GGH: variants seen among roughly 807,000 people sequenced by gnomAD.
The protein encoded by GGH is gamma-glutamyl hydrolase.
A neutral mutation model predicts 39.2 loss-of-function variants in GGH; 18 were observed. The ratio of observed to expected loss-of-function variants is 0.46; its 90% confidence interval spans 0.32 to 0.68. The LOEUF is 0.68. Among genes scored for constraint, GGH ranks in the 30% least tolerant of loss-of-function variants. The pLI is 0.04. For synonymous variants in GGH, 147 were observed against 138.8 expected, an observed-to-expected ratio of 1.06 and a Z score of -0.42; for missense variants, 367 against 384.1, an observed-to-expected ratio of 0.96 and a Z score of 0.37.
intron 3 of GGH, 26 bp downstream of exon 3, chr8:63,030,141 G>C (rs368295274): frequency 1.9e-6 from 2 of 1,066,418 alleles, no homozygotes; most frequent in East Asian, 4.7e-5. Flanking sequence ...CTCATATACC[G>C]TATGAAACCA....
At position 63,023,891 on chromosome 8, in the gene GGH, T is replaced by C; in HGVS notation, c.697+16A>G. On this transcript the variant is annotated intron_variant, in intron 7 of 8. Coordinates refer to ENST00000260118, the MANE Select transcript of GGH (RefSeq NM_003878.3). ...TAAAATAAGTGAAATAAAGTATACA[T>C]GTTATAGTGATATACCTTCCATTGT... The C allele has an allele frequency of 1.3e-6, 2 of 1,484,332 alleles. No individual in the cohort carries two copies. The highest frequency in any genetic ancestry group is 9.1e-7 in the Non-Finnish European group (1 of 1,093,062). 91.9% of individuals were successfully genotyped at this position (1,484,332 alleles called of 1,614,324 possible).
At chr8:63,030,340 C>T (rs1277236879) in intron 2 of GGH, 123 bp from the exon 3 acceptor site, 1 of 574,282 alleles carries the variant, frequency 1.7e-6, no homozygotes, top group Admixed American at 3.0e-5. Context: ...GACAATATTA[C>T]CTCTCTACTT....
chr8:63,032,051 T>C (rs1018321247), intron 2 of GGH, among the ~76,000 whole-genome samples: 2 of 152,276 alleles, frequency 1.3e-5, no homozygotes, highest in Middle Eastern at 3.4e-3. Flanking sequence ...TGGGGTTTTT[T>C]TGAGAAAGGT....
At chr8:63,024,877 C>A (rs905550181) in intron 5 of GGH, 2 of 152,228 alleles carry the variant, frequency 1.3e-5, no homozygotes, top group Admixed American at 6.5e-5. Flanking sequence ...TCTGGCAACA[C>A]ACAACCAAAG....
intron 4 of GGH, among the ~76,000 whole-genome samples, chr8:63,026,697 G>A (rs1451489918): frequency 1.3e-5 from 2 of 152,208 alleles, no homozygotes; most frequent in Non-Finnish European, 2.9e-5. Flanking sequence ...AAAGGTTTGA[G>A]CTATGGTACA....
At chr8:63,025,928 T>C (rs955920879) in intron 5 of GGH, among the ~76,000 whole-genome samples, 1 of 152,126 alleles carries the variant, frequency 6.6e-6, no homozygotes, top group African/African-American at 2.4e-5. Flanking sequence ...CTAGAAGCAA[T>C]GAGTTATTAA....
intron 5 of GGH, chr8:63,025,191 T>C (rs905504983): frequency 6.6e-6 from 1 of 152,198 alleles, no homozygotes; most frequent in African/African-American, 2.4e-5. Flanking sequence ...CGGAATGATA[T>C]AAGTATTTTT....
Position 63,038,661 on chromosome 8 carries a change from G to C in GGH, c.108C>G (p.Ile36Met). Residue 36 changes from isoleucine (I) to methionine (M), a missense_variant and splice_region_variant, in exon 1 of 9, where the codon ATC becomes ATG. By Grantham distance (10) the Ile-to-Met change is conservative. Coordinates refer to ENST00000260118, the MANE Select transcript of GGH (RefSeq NM_003878.3). ...TGCGGCCCCGCACAGCCTCCTTACC[G>C]ATGATGGGCTTCTTGGCGGTGTCGC... ...PHGDTAKKPI[I>M]GILMQKCRNK... The C allele has an allele frequency of 6.8e-7, 1 of 1,464,194 alleles. No individual in the cohort carries two copies. The highest frequency in any genetic ancestry group is 1.5e-5 in the African/African-American group (1 of 68,764). The allele number at this position is 1,464,194 out of a possible 1,614,324, so 90.7% of individuals were successfully genotyped here.
chr8:63,034,624 C>A (rs985078065), intron 2 of GGH, among the ~76,000 whole-genome samples: 35 of 152,128 alleles, frequency 2.3e-4, no homozygotes, highest in Non-Finnish European at 7.4e-5. Context: ...GGGAAGAATT[C>A]AGTTCTAAAT....
At chr8:63,030,372 C>G (rs1374047109) in intron 2 of GGH, among the ~76,000 whole-genome samples, 155 bp from the exon 3 acceptor site, 1 of 152,144 alleles carries the variant, frequency 6.6e-6, no homozygotes, top group Non-Finnish European at 1.5e-5. Context: ...TTTTTGCAAA[C>G]CACTTGAAAG....
At position 63,037,979 on chromosome 8, in the gene GGH, C is replaced by T. The variant is rs141696738; in HGVS notation, c.109+681G>A. ...AATAAAACTAATCTTAATGTCCACA[C>T]ACAAATTTCTTTGGGCAAATTTTAA... On this transcript the variant is annotated intron_variant, in intron 1 of 8. Coordinates refer to ENST00000260118, the MANE Select transcript of GGH (RefSeq NM_003878.3). Among the ~76,000 whole-genome samples the T allele has an allele frequency of 2.4e-3, 369 of 152,354 alleles. 1 individual carries two copies. Among genetic ancestry groups the T allele is most frequent in the African/African-American group, 8.5e-3 (353 of 41,576 alleles).
chr8:63,026,190 A>G lies in GGH; in HGVS notation c.467T>C (p.Val156Ala), dbSNP rs375675000. Residue 156 changes from valine to alanine, a missense_variant, in exon 5 of 9, where the codon GTT becomes GCT. Val to Ala is a moderately conservative substitution (Grantham distance 64). Coordinates refer to ENST00000260118, the MANE Select transcript of GGH (RefSeq NM_003878.3). ...GECLLTATDT[V>A]DVAMPLNFTG... ...GAAGTTCAGCGGCATTGCCACGTCA[A>G]CAGTATCTGTGGCAGTTAATAAGCA... The G allele has an allele frequency of 5.1e-5, 82 of 1,607,596 alleles. 1 individual carries two copies. Among genetic ancestry groups the G allele is most frequent in the Non-Finnish European group, 6.3e-5 (74 of 1,177,726 alleles).
chr8:63,034,450 T>A (rs970543076), intron 2 of GGH, among the ~76,000 whole-genome samples: 1 of 152,194 alleles, frequency 6.6e-6, no homozygotes, highest in Non-Finnish European at 1.5e-5. Flanking sequence ...AGGAATTGTT[T>A]GCAAAAACAG....
intron 7 of GGH, among the ~76,000 whole-genome samples, chr8:63,020,040 T>C (rs1044367160): frequency 2.6e-5 from 4 of 152,204 alleles, no homozygotes; most frequent in Non-Finnish European, 5.9e-5. Context: ...AGAAATAAAG[T>C]TTACAGTTTT....
rs752057959 is a variant in GGH at position 63,021,669 on chromosome 8, CTTTT to C, written c.697+2234_697+2237del. Among the ~76,000 whole-genome samples the C allele has an allele frequency of 3.8e-3, 354 of 93,296 alleles. 1 individual carries two copies. Among genetic ancestry groups the C allele is most frequent in the Middle Eastern group, 6.6e-3 (1 of 152 alleles). The allele number at this position is 93,296 out of a possible 152,430, so 61.2% of individuals were successfully genotyped here. A position where few individuals can be genotyped will look rare whatever the true frequency, so the allele number is the denominator to read the frequency against. On this transcript the variant is annotated intron_variant, in intron 7 of 8. Coordinates refer to ENST00000260118, the MANE Select transcript of GGH (RefSeq NM_003878.3). Reference sequence around the variant, plus strand: ...ATGGTATCCATTCAAATCTCATATCCTTTTTTTTTTTTTTTTTTTTTTTGAGGCA... The same window carrying C: ...ATGGTATCCATTCAAATCTCATATCCTTTTTTTTTTTTTTTTTTTGAGGCA...
At chr8:63,021,168 G>C (rs183787480) in intron 7 of GGH, among the ~76,000 whole-genome samples, 2 of 152,046 alleles carry the variant, frequency 1.3e-5, no homozygotes, top group Admixed American at 6.5e-5. Context: ...GTATTCCCTT[G>C]TGACTTGCTT....
intron 5 of GGH, chr8:63,024,805 T>C (rs1178457542): frequency 6.6e-6 from 1 of 152,236 alleles, no homozygotes; most frequent in Non-Finnish European, 1.5e-5. Context: ...CCCTTATTCT[T>C]ACTAGAGACT....
At position 63,015,367 on chromosome 8, in the gene GGH, T is replaced by C; in HGVS notation, c.922A>G (p.Ile308Val). 2 of 1,402,596 alleles carry C rather than the reference T, an allele frequency of 1.4e-6. No homozygotes were observed. The highest frequency in any genetic ancestry group is 2.0e-6 in the Non-Finnish European group (2 of 1,003,476). 86.9% of individuals were successfully genotyped at this position (1,402,596 alleles called of 1,614,324 possible). A position where few individuals can be genotyped will look rare whatever the true frequency, so the allele number is the denominator to read the frequency against. Residue 308 changes from isoleucine to valine, a missense_variant, in exon 9 of 9, where the codon ATT becomes GTT. By Grantham distance (29) the Ile-to-Val change is conservative. Transcript: ENST00000260118. ...ATGTAACATTGCTGAAATGAAGAAA[T>C]ATTTCCAGTATAAATTGGACTGAAC... Reference protein sequence around the residue: ...YQFSPIYTGNISSFQQCYIFD With the variant: ...YQFSPIYTGNVSSFQQCYIFD
At chr8:63,029,050 A>C (rs566785012) in intron 3 of GGH, among the ~76,000 whole-genome samples, 139 of 152,342 alleles carry the variant, frequency 9.1e-4, no homozygotes, top group Non-Finnish European at 1.8e-3. Flanking sequence ...AACTGAACTG[A>C]AGGCAAATAA....
Sources: gnomAD v4.1 joint callset for allele counts (sites outside exome capture counted in the v4.1 genomes callset) on GRCh38, gnomAD v4.1.1 for gene constraint, MANE v1.5 for transcripts, NCBI Gene and HGNC (gene_info 2026-07-23, HGNC 2026-07-21) for gene names.